The following SNTG2 variants were observed in gnomAD, a reference collection of about 807,000 sequenced individuals.
The protein encoded by SNTG2 is gamma-2-syntrophin.
A neutral mutation model predicts 70.9 loss-of-function variants in SNTG2; 74 were observed. The ratio of observed to expected loss-of-function variants is 1.04; its 90% CI spans 0.86 to 1.27. The LOEUF (loss-of-function observed/expected upper bound fraction) is 1.27. SNTG2 is among the 50% of genes most tolerant of loss of function. The pLI, the probability that SNTG2 is intolerant of heterozygous loss-of-function variation, is 0.00. For missense variants in SNTG2, 717 were observed against 690.7 expected, an observed-to-expected ratio of 1.04 and a Z score of -0.43; for synonymous variants, 278 against 273.8, an observed-to-expected ratio of 1.02 and a Z score of -0.15.
At chr2:952,950 ATTAT>A (rs1284529573) in intron 1 of SNTG2, among the ~76,000 whole-genome samples, 2 of 151,460 alleles carry the variant, frequency 1.3e-5, no homozygotes, top group Non-Finnish European at 2.9e-5. Context: ...AACTTGTGTA[ATTAT>A]TTAATCATTT....
chr2:1,213,009 C>G (rs1572741062), intron 9 of SNTG2, among the ~76,000 whole-genome samples: 1 of 152,214 alleles, frequency 6.6e-6, no homozygotes, highest in Admixed American at 6.5e-5. Context: ...TGGAAGCCAG[C>G]ATCCTGTGGG....
chr2:1,219,694 G>A (rs1454911486), intron 9 of SNTG2, among the ~76,000 whole-genome samples: 2 of 150,840 alleles, frequency 1.3e-5, no homozygotes, highest in Admixed American at 1.3e-4. Context: ...GGGAAGGGAG[G>A]GGAGTGGAGG....
chr2:1,020,829 A>G (rs923988833), intron 1 of SNTG2, among the ~76,000 whole-genome samples: 2 of 152,232 alleles, frequency 1.3e-5, no homozygotes, highest in East Asian at 3.9e-4. Context: ...AACCATATGT[A>G]TATATATATT....
intron 2 of SNTG2, among the ~76,000 whole-genome samples, chr2:1,087,314 G>A (rs61469034): frequency 0.14 from 20,851 of 152,180 alleles, 1,619 homozygotes; most frequent in Middle Eastern, 0.2. Context: ...AGAAGAGTTC[G>A]TGTAGCATGG....
rs572343767 is a variant in SNTG2, at chr2:1,074,135, C to T, written c.73-9383C>T. ...GGTGGAAAGGACCAGGGTGAAGACA[C>T]GGGGAGGACTCTGGTCTCCAGCCTT... On this transcript the variant is annotated intron_variant, in intron 1 of 16. Transcript: ENST00000308624. Among the ~76,000 whole-genome samples the T allele has an allele frequency of 2.0e-3, 312 of 152,280 alleles. 1 individual carries two copies. The highest frequency in any genetic ancestry group is 7.1e-3 in the African/African-American group (295 of 41,570).
intron 2 of SNTG2, among the ~76,000 whole-genome samples, chr2:1,089,747 CTA>C (rs1199013797): frequency 6.6e-6 from 1 of 152,222 alleles, no homozygotes; most frequent in Non-Finnish European, 1.5e-5. Flanking sequence ...CTTTCAATAA[CTA>C]AAATCTAACA....
intron 1 of SNTG2, among the ~76,000 whole-genome samples, chr2:1,079,855 C>T (rs926711640): frequency 2.6e-5 from 4 of 152,222 alleles, no homozygotes; most frequent in Non-Finnish European, 5.9e-5. Context: ...ATCAATATCA[C>T]ATCTTTTTGA....
At chr2:966,323 T>A (rs1374162498) in intron 1 of SNTG2, among the ~76,000 whole-genome samples, 2 of 152,266 alleles carry the variant, frequency 1.3e-5, no homozygotes, top group Admixed American at 1.3e-4. Flanking sequence ...ACTTAAAAAT[T>A]TAAATATCTG....
chr2:995,230 A>G (rs1454679020), intron 1 of SNTG2, among the ~76,000 whole-genome samples: 1 of 152,030 alleles, frequency 6.6e-6, no homozygotes, highest in Non-Finnish European at 1.5e-5. Context: ...AGATTGAGGA[A>G]GTTCTGTTTT....
rs1671226345 is a variant in SNTG2, at chr2:1,172,987, G to A, written c.500-105G>A. 3.0e-6 allele frequency: 3 copies of A among 986,110 alleles called. No homozygotes were observed. The Admixed American group carries it at 6.1e-5, about 20-fold the overall frequency. The allele number at this position is 986,110 out of a possible 1,614,324, so 61.1% of individuals were successfully genotyped here. ...CCATAACTGGACACCAGGCATTTTG[G>A]TGCTGGTAACTTCCCATGCACAGGT... On this transcript the variant is annotated intron_variant, in intron 7 of 16. Coordinates refer to ENST00000308624, the MANE Select transcript of SNTG2 (RefSeq NM_018968.4).
chr2:953,695 T>C (rs1660053611), intron 1 of SNTG2, among the ~76,000 whole-genome samples: 1 of 152,246 alleles, frequency 6.6e-6, no homozygotes, highest in African/African-American at 2.4e-5. Context: ...TACCTGACTT[T>C]ACCAGGAGAC....
At chr2:1,090,669 T>G (rs1664959815) in intron 2 of SNTG2, among the ~76,000 whole-genome samples, 1 of 152,164 alleles carries the variant, frequency 6.6e-6, no homozygotes, top group African/African-American at 2.4e-5. Flanking sequence ...GCAGCCCCCC[T>G]TCCCTGATTC....
intron 16 of SNTG2, among the ~76,000 whole-genome samples, chr2:1,364,401 A>G (rs1345925024): frequency 6.6e-6 from 1 of 152,020 alleles, no homozygotes; most frequent in Non-Finnish European, 1.5e-5. Flanking sequence ...ATTTCTGTGC[A>G]TTGTGCTATT....
intron 1 of SNTG2, among the ~76,000 whole-genome samples, chr2:998,503 A>G (rs1661767341): frequency 6.6e-6 from 1 of 152,106 alleles, no homozygotes; most frequent in African/African-American, 2.4e-5. Context: ...CACTGAAGGA[A>G]TTACAAAATA....
chr2:1,119,085 AG>A lies in SNTG2; in HGVS notation c.326-18536del, dbSNP rs531574602. Among the ~76,000 whole-genome samples, 155 of 152,366 alleles carry A rather than the reference AG, an allele frequency of 1.0e-3. 2 individuals are homozygous for A. The South Asian group carries it at 0.02, about 19-fold the overall frequency. On this transcript the variant is annotated intron_variant, in intron 4 of 16. Transcript: ENST00000308624. ...TTAGTCTATCAGTGGATTTCTCAGC[AG>A]AAAACTTGAAAGCCAGGAAAGAATA...
chr2:1,070,560 G>A (rs1490517289), intron 1 of SNTG2, among the ~76,000 whole-genome samples: 2 of 152,084 alleles, frequency 1.3e-5, no homozygotes, highest in African/African-American at 2.4e-5. Flanking sequence ...AGGGAAGTCC[G>A]GCTCACAAAA....
intron 15 of SNTG2, among the ~76,000 whole-genome samples, chr2:1,315,733 A>C (rs895632904): frequency 6.6e-6 from 1 of 152,136 alleles, no homozygotes; most frequent in Non-Finnish European, 1.5e-5. Flanking sequence ...CATTTTTCAA[A>C]TTGGTTCATG....
At chr2:1,329,650 T>G (rs558960449) in intron 16 of SNTG2, among the ~76,000 whole-genome samples, 4 of 152,218 alleles carry the variant, frequency 2.6e-5, no homozygotes, top group Non-Finnish European at 4.4e-5. Flanking sequence ...ATATAATTGC[T>G]TTTCTTTCCT....
At chr2:996,273 C>T (rs1661678382) in intron 1 of SNTG2, among the ~76,000 whole-genome samples, 1 of 152,156 alleles carries the variant, frequency 6.6e-6, no homozygotes, top group African/African-American at 2.4e-5. Context: ...TTTTCAAACA[C>T]TTACCTTTCT....
Sources: gnomAD v4.1 joint callset for allele counts (sites outside exome capture counted in the v4.1 genomes callset) on GRCh38, gnomAD v4.1.1 for gene constraint, MANE v1.5 for transcripts, NCBI Gene and HGNC (gene_info 2026-07-23, HGNC 2026-07-21) for gene names.